Variants in CBFB observed in about 807,000 individuals in gnomAD.
The protein encoded by CBFB is core-binding factor subunit beta, also known as CBF-beta.
CBFB carries 9 observed loss-of-function variants against 30.4 expected under a neutral mutation model. The observed-to-expected ratio is 0.30, with a 90% CI of 0.18 to 0.52. The LOEUF (loss-of-function observed/expected upper bound fraction) is 0.52, where lower values mean the gene tolerates loss of function less well. CBFB is among the 20% of genes least tolerant of loss of function. The pLI, the probability that CBFB is intolerant of heterozygous loss-of-function variation, is 0.97. For missense variants in CBFB, 170 were observed against 244.0 expected (o/e 0.70, Z 2.02); for synonymous variants, 94 against 84.0 (o/e 1.12, Z -0.65).
chr16:67,036,576 A>T, intron 2 of CBFB, 63 bp from the exon 3 acceptor site: 4 of 903,548 alleles, frequency 4.4e-6, no homozygotes, highest in Non-Finnish European at 7.5e-6. Flanking sequence ...AAAATAAATG[A>T]CTGCTTGCAT....
At chr16:67,044,652 C>A (rs1197182512) in intron 3 of CBFB, among the ~76,000 whole-genome samples, 1 of 152,108 alleles carries the variant, frequency 6.6e-6, no homozygotes, top group Admixed American at 6.6e-5. Flanking sequence ...ATGGCCTTTT[C>A]TAATAAAGGT....
At chr16:67,090,269 C>T (rs1389956673) in intron 5 of CBFB, among the ~76,000 whole-genome samples, 2 of 152,016 alleles carry the variant, frequency 1.3e-5, no homozygotes, top group Non-Finnish European at 1.5e-5. Flanking sequence ...ACAATTTGGG[C>T]ACTATTCTGT....
At chr16:67,037,895 T>G (rs1966468562) in intron 3 of CBFB, among the ~76,000 whole-genome samples, 1 of 152,048 alleles carries the variant, frequency 6.6e-6, no homozygotes, top group Non-Finnish European at 1.5e-5. Context: ...GGTCTTGAAC[T>G]CCTGACCATG....
At chr16:67,030,222 C>G (rs973218742) in intron 2 of CBFB, 13 of 166,310 alleles carry the variant, frequency 7.8e-5, no homozygotes, top group African/African-American at 3.2e-4. Context: ...GTCGGTAATT[C>G]TCTGTGTCAA....
At chr16:67,042,202 G>C (rs1163540763) in intron 3 of CBFB, among the ~76,000 whole-genome samples, 1 of 152,116 alleles carries the variant, frequency 6.6e-6, no homozygotes, top group Non-Finnish European at 1.5e-5. Flanking sequence ...GGGATTACAG[G>C]CATGAGCCAC....
chr16:67,038,346 ATATG>A (rs535600281), intron 3 of CBFB, among the ~76,000 whole-genome samples: 67 of 151,594 alleles, frequency 4.4e-4, no homozygotes, highest in Non-Finnish European at 7.1e-4. Context: ...ATATATGTAT[ATATG>A]TGTGTGTATA....
At chr16:67,068,487 GAA>G (rs1961122752) in intron 4 of CBFB, among the ~76,000 whole-genome samples, 1 of 151,820 alleles carries the variant, frequency 6.6e-6, no homozygotes, top group African/African-American at 2.4e-5. Flanking sequence ...TCTCTAAAAA[GAA>G]AAAAAGAGAA....
intron 4 of CBFB, among the ~76,000 whole-genome samples, chr16:67,076,949 A>T (rs1016350912): frequency 6.6e-6 from 1 of 151,992 alleles, no homozygotes; most frequent in Non-Finnish European, 1.5e-5. Flanking sequence ...TCTGCAGTTC[A>T]GTTACTTTAA....
intron 4 of CBFB, among the ~76,000 whole-genome samples, chr16:67,068,259 A>C (rs1323716080): frequency 2.0e-5 from 3 of 152,206 alleles, no homozygotes; most frequent in African/African-American, 4.8e-5. Context: ...TGGCAGGATC[A>C]CATGAGCCCA....
At chr16:67,050,969 A>G (rs1966728843) in intron 3 of CBFB, among the ~76,000 whole-genome samples, 1 of 152,036 alleles carries the variant, frequency 6.6e-6, no homozygotes, top group African/African-American at 2.4e-5. Context: ...GAGATGATTC[A>G]CCTCTCTGGA....
chr16:67,049,286 C>T (rs996120886), intron 3 of CBFB, among the ~76,000 whole-genome samples: 1 of 152,014 alleles, frequency 6.6e-6, no homozygotes, highest in South Asian at 2.1e-4. Flanking sequence ...ACACTGCAAC[C>T]TCCGCCTCCC....
At chr16:67,066,958 C>A (rs1364484573) in intron 4 of CBFB, 160 bp downstream of exon 4, 2 of 461,744 alleles carry the variant, frequency 4.3e-6, no homozygotes, top group Non-Finnish European at 8.0e-6. Context: ...AAATTCTGAT[C>A]CTGATTTTGG....
intron 5 of CBFB, among the ~76,000 whole-genome samples, chr16:67,085,925 G>A (rs959181258): frequency 1.3e-5 from 2 of 151,738 alleles, no homozygotes; most frequent in Non-Finnish European, 2.9e-5. Context: ...TGATCTGCCC[G>A]CCTTGGCCTC....
chr16:67,082,318 T>C lies in CBFB; in HGVS notation c.495+10T>C, dbSNP rs750389690. 1 of 1,612,500 alleles carries C rather than the reference T, an allele frequency of 6.2e-7. No individual in the cohort carries two copies. The highest frequency in any genetic ancestry group is 8.5e-7 in the Non-Finnish European group (1 of 1,178,830). On this transcript the variant is annotated intron_variant, in intron 5 of 5. Coordinates refer to ENST00000412916, the MANE Select transcript of CBFB (RefSeq NM_022845.3). ...TCGGGAGGAAATGGAGGTGAGAGTT[T>C]CACAGCTGCTGGCAGTAACTGGTTA...
chr16:67,092,690 G>A (rs1040409453), intron 5 of CBFB, among the ~76,000 whole-genome samples: 4 of 132,958 alleles, frequency 3.0e-5, no homozygotes, highest in Non-Finnish European at 6.2e-5. Flanking sequence ...AGGTTACAGT[G>A]GTGCAATCTT....
intron 2 of CBFB, among the ~76,000 whole-genome samples, chr16:67,032,215 C>T (rs1336592759): frequency 1.3e-5 from 2 of 152,086 alleles, no homozygotes; most frequent in African/African-American, 4.8e-5. Context: ...CTAGACCTTC[C>T]CCGCTTCCAA....
At chr16:67,066,595 C>A in intron 3 of CBFB, 87 bp from the exon 4 acceptor site, 1 of 675,038 alleles carries the variant, frequency 1.5e-6, no homozygotes, top group Non-Finnish European at 2.6e-6. Context: ...TTCATCTTTT[C>A]TACAGAGTTT....
In CBFB at chr16:67,098,864, CTG is replaced by C; in HGVS notation, c.*89_*90del. On this transcript the variant is annotated 3_prime_UTR_variant, in exon 6 of 6. Coordinates refer to ENST00000412916, the MANE Select transcript of CBFB (RefSeq NM_022845.3). ...AAATAATTGATTAAAAGACCAGAAA[CTG>C]TGATAACTGGAGGTACTACGGTCTA... is the stretch of plus-strand genomic sequence containing the variant. 1.2e-6 allele frequency: 1 copy of C among 812,776 alleles called. No individual in the cohort carries two copies. Among genetic ancestry groups the C allele is most frequent in the Non-Finnish European group, 2.2e-6 (1 of 458,696 alleles). The allele number at this position is 812,776 out of a possible 1,614,324, so 50.3% of individuals were successfully genotyped here. A position where few individuals can be genotyped will look rare whatever the true frequency, so the allele number is the denominator to read the frequency against.
intron 2 of CBFB, among the ~76,000 whole-genome samples, chr16:67,030,429 C>T (rs1053180467): frequency 6.6e-6 from 1 of 151,902 alleles, no homozygotes; most frequent in Non-Finnish European, 1.5e-5. Flanking sequence ...TGGGCAAAAC[C>T]CACGGTTGAT....
Sources: gnomAD v4.1 joint callset for allele counts (sites outside exome capture counted in the v4.1 genomes callset) on GRCh38, gnomAD v4.1.1 for gene constraint, MANE v1.5 for transcripts, NCBI Gene and HGNC (gene_info 2026-07-23, HGNC 2026-07-21) for gene names.